Variants in PAK3 observed in about 807,000 individuals in gnomAD.
PAK3 encodes the protein p21 (RAC1) activated kinase 3.
In PAK3, 4 loss-of-function variants were observed where a neutral mutation model predicts 41.0. The ratio of observed to expected loss-of-function variants is 0.10; its 90% CI spans 0.05 to 0.22. The LOEUF is 0.22. Among genes scored for constraint, PAK3 ranks in the 10% least tolerant of loss-of-function variants. The pLI, the probability that PAK3 is intolerant of heterozygous loss-of-function variation, is 1.00. For synonymous variants in PAK3, 146 were observed against 139.6 expected (o/e 1.05, Z -0.32); for missense variants, 205 against 409.9 (o/e 0.50, Z 4.32).
At chrX:111,203,209 T>C (rs1423274055) in intron 16 of PAK3, among the ~76,000 whole-genome samples, 1 of 111,962 alleles carries the variant, frequency 8.9e-6, no homozygotes, top group Non-Finnish European at 1.9e-5. Context: ...AAAATAACAC[T>C]ATCATTCTAC....
At chrX:111,112,267 A>G (rs1334124142) in intron 4 of PAK3, among the ~76,000 whole-genome samples, 1 of 109,133 alleles carries the variant, frequency 9.2e-6, no homozygotes, top group Admixed American at 9.9e-5. Context: ...AATCTCCTTA[A>G]TACACGTTGC....
chrX:111,071,904 T>G (rs1367717600), intron 1 of PAK3, among the ~76,000 whole-genome samples: 1 of 112,146 alleles, frequency 8.9e-6, no homozygotes, highest in East Asian at 2.8e-4. Flanking sequence ...ATAATTTCAT[T>G]TGAGTGTAGA....
chrX:110,966,019 A>G (rs755975626), intron 1 of PAK3, among the ~76,000 whole-genome samples: 14 of 112,350 alleles, frequency 1.2e-4, no homozygotes, highest in African/African-American at 4.5e-4. Flanking sequence ...GAGTGAGCAC[A>G]GTGCCTGGCA....
In PAK3 at chrX:111,122,816, G is replaced by A. The variant is rs1474049178; in HGVS notation, c.-27-261G>A. Among the ~76,000 whole-genome samples the A allele has an allele frequency of 5.4e-5, 6 of 111,598 alleles. No individual in the cohort carries two copies. The Admixed American group carries it at 5.7e-4, about 11-fold the overall frequency. The stretch of plus-strand genomic sequence containing the variant: ...AAAATAGAGTTTCAATGTGGGAAAA[G>A]CAAAGGGACTTACATATTTTTATAA... On this transcript the variant is annotated intron_variant, in intron 4 of 17. Coordinates refer to ENST00000372007, the MANE Select transcript of PAK3 (RefSeq NM_002578.5).
chrX:111,074,118 T>G (rs1271269430), intron 1 of PAK3, among the ~76,000 whole-genome samples: 4 of 112,346 alleles, frequency 3.6e-5, no homozygotes, highest in Non-Finnish European at 7.5e-5. Context: ...TATGATCATT[T>G]CAATAGATAC....
intron 1 of PAK3, among the ~76,000 whole-genome samples, chrX:111,077,878 C>T (rs960642299): frequency 9.0e-6 from 1 of 111,274 alleles, no homozygotes; most frequent in African/African-American, 3.3e-5. Context: ...CCCTATGGAA[C>T]GGGATAAAAT....
At position 111,222,884 on chromosome X, in the gene PAK3, T is replaced by C. The variant is rs1366958025; in HGVS notation, c.*2437T>C. ...AACAATGAGGAGCCAGGTACTTCTT[T>C]ACTACCACTTTGTACCAAGATTTGA... is the stretch of plus-strand genomic sequence containing the variant. On this transcript the variant is annotated 3_prime_UTR_variant, in exon 18 of 18. Coordinates refer to ENST00000372007, the MANE Select transcript of PAK3 (RefSeq NM_002578.5). 9.0e-6 allele frequency: 1 copy of C among 111,560 alleles called. No homozygotes were observed. The highest frequency in any genetic ancestry group is 1.9e-5 in the Non-Finnish European group (1 of 53,077). 9.2% of individuals were successfully genotyped at this position (111,560 alleles called of 1,213,427 possible).
intron 17 of PAK3, among the ~76,000 whole-genome samples, chrX:111,218,705 T>C (rs2149403333): frequency 9.1e-6 from 1 of 110,283 alleles, no homozygotes. Flanking sequence ...GGCTTAAGAG[T>C]TGGGGCTGTA....
chrX:111,219,179 G>C (rs752222606), intron 17 of PAK3, among the ~76,000 whole-genome samples: 12 of 89,464 alleles, frequency 1.3e-4, no homozygotes, highest in African/African-American at 4.6e-4. Context: ...AACAGAGCAA[G>C]AGTCCATCTC....
chrX:111,134,396 A>T (rs1392314512), intron 5 of PAK3, among the ~76,000 whole-genome samples: 1 of 112,337 alleles, frequency 8.9e-6, no homozygotes, highest in Middle Eastern at 4.2e-3. Flanking sequence ...CTCTTCTATG[A>T]ACACATAACA....
At chrX:111,075,529 G>A (rs1422853143) in intron 1 of PAK3, among the ~76,000 whole-genome samples, 1 of 112,817 alleles carries the variant, frequency 8.9e-6, no homozygotes, top group African/African-American at 3.2e-5. Context: ...GAGGCTTGGT[G>A]ACTTCCACCT....
At chrX:111,082,202 C>T (rs1054403806) in intron 1 of PAK3, among the ~76,000 whole-genome samples, 2 of 111,831 alleles carry the variant, frequency 1.8e-5, no homozygotes, top group Admixed American at 1.9e-4. Flanking sequence ...TGGCAGTTGA[C>T]ATTCACGAAG....
intron 5 of PAK3, among the ~76,000 whole-genome samples, chrX:111,131,766 A>G (rs1422915374): frequency 8.9e-6 from 1 of 112,046 alleles, no homozygotes; most frequent in African/African-American, 3.2e-5. Flanking sequence ...GGATTAGAAC[A>G]TGCTTTGCAG....
chrX:111,133,360 C>T (rs1274076790), intron 5 of PAK3, among the ~76,000 whole-genome samples: 1 of 111,843 alleles, frequency 8.9e-6, no homozygotes, highest in Non-Finnish European at 1.9e-5. Context: ...CATACCTCCT[C>T]CAGTAAGCCC....
chrX:111,053,928 TG>T (rs2092582580), intron 1 of PAK3, among the ~76,000 whole-genome samples: 1 of 112,533 alleles, frequency 8.9e-6, no homozygotes, highest in Non-Finnish European at 1.9e-5. Flanking sequence ...ACACATTAGC[TG>T]TGATACACAC....
At chrX:111,107,176 T>G (rs2093283317) in intron 4 of PAK3, among the ~76,000 whole-genome samples, 1 of 112,146 alleles carries the variant, frequency 8.9e-6, no homozygotes, top group African/African-American at 3.2e-5. Context: ...AATTGCCTGC[T>G]GATTACACAC....
At chrX:110,954,827 A>G (rs191777484) in intron 1 of PAK3, among the ~76,000 whole-genome samples, 59 of 111,515 alleles carry the variant, frequency 5.3e-4, no homozygotes, top group Admixed American at 4.7e-3. Context: ...AAATCATGGG[A>G]ATGTGGAACA....
At chrX:111,123,888 C>T (rs1365273244) in intron 5 of PAK3, among the ~76,000 whole-genome samples, 1 of 111,643 alleles carries the variant, frequency 9.0e-6, no homozygotes, top group Non-Finnish European at 1.9e-5. Context: ...CCATTTGGTG[C>T]TTAAATGTCA....
intron 1 of PAK3, among the ~76,000 whole-genome samples, chrX:111,040,287 G>A (rs1232029070): frequency 9.0e-6 from 1 of 111,603 alleles, no homozygotes; most frequent in Non-Finnish European, 1.9e-5. Flanking sequence ...TTGGGTTGTT[G>A]TGACAATTAC....
Sources: allele counts gnomAD v4.1 joint callset (sites outside exome capture counted in the v4.1 genomes callset), GRCh38; gene constraint gnomAD v4.1.1; transcripts MANE v1.5; gene names NCBI Gene and HGNC (gene_info 2026-07-23, HGNC 2026-07-21).